Variants in LRMDA observed in about 807,000 individuals in gnomAD.
The protein encoded by LRMDA is leucine rich melanocyte differentiation associated.
Under a neutral mutation model 29.8 loss-of-function variants are expected in LRMDA, and 18 were observed. The observed-to-expected ratio is 0.60, with a 90% CI of 0.42 to 0.90. The LOEUF (loss-of-function observed/expected upper bound fraction) is 0.90. Ranked by LOEUF, LRMDA falls within the 40% of genes least tolerant of loss-of-function variation. The pLI, the probability that LRMDA is intolerant of heterozygous loss-of-function variation, is 0.00. For missense variants in LRMDA, 273 were observed against 273.9 expected, an observed-to-expected ratio of 1.00 and a Z score of 0.02; for synonymous variants, 125 against 109.4, an observed-to-expected ratio of 1.14 and a Z score of -0.89.
chr10:75,569,069 G>A (rs1206253923), intron 2 of LRMDA, among the ~76,000 whole-genome samples: 1 of 152,078 alleles, frequency 6.6e-6, no homozygotes, highest in East Asian at 1.9e-4. Context: ...TTGGATTAAT[G>A]TTGGCATTAT....
At position 75,708,420 on chromosome 10, in the gene LRMDA, A is replaced by G. The variant is rs561258784; in HGVS notation, c.131+269926A>G. ...GGTTTCCTTTACATTATTTCAACAC[A>G]CTCCACCATTTTCCGGGTTTGTGGT... On this transcript the variant is annotated intron_variant, in intron 2 of 6. Transcript: ENST00000611255. Among the ~76,000 whole-genome samples, 19 of 152,188 alleles carry G rather than the reference A, an allele frequency of 1.2e-4. No individual in the cohort carries two copies. In the South Asian group the frequency reaches 3.1e-3, roughly 25 times the overall value.
intron 2 of LRMDA, among the ~76,000 whole-genome samples, chr10:75,653,670 A>G (rs890234071): frequency 8.5e-5 from 13 of 152,232 alleles, no homozygotes; most frequent in African/African-American, 2.4e-4. Flanking sequence ...CTAAAGAGCC[A>G]TCTAGACATA....
chr10:75,659,986 A>G (rs902533133), intron 2 of LRMDA, among the ~76,000 whole-genome samples: 2 of 152,010 alleles, frequency 1.3e-5, no homozygotes, highest in Non-Finnish European at 2.9e-5. Context: ...TTGTTTTCCT[A>G]AGTCATAGGC....
chr10:76,312,238 G>A (rs1024114255), intron 5 of LRMDA, among the ~76,000 whole-genome samples: 5 of 152,188 alleles, frequency 3.3e-5, no homozygotes, highest in African/African-American at 1.2e-4. Context: ...TATATCTCAG[G>A]AATCTGAGGC....
intron 5 of LRMDA, among the ~76,000 whole-genome samples, chr10:76,279,029 G>A (rs959489805): frequency 6.6e-6 from 1 of 152,142 alleles, no homozygotes; most frequent in Non-Finnish European, 1.5e-5. Context: ...GAACTGCAAG[G>A]TCCTTGGGGA....
intron 2 of LRMDA, among the ~76,000 whole-genome samples, chr10:75,853,433 G>GTGTGTGTGTGT (rs1844766533): frequency 5.4e-5 from 8 of 147,506 alleles, no homozygotes; most frequent in African/African-American, 2.0e-4. Flanking sequence ...AAAGAAGAGG[G>GTGTGTGTGTGT]GTGTGTGTGT....
At chr10:76,383,310 G>A (rs1841615295) in intron 6 of LRMDA, among the ~76,000 whole-genome samples, 1 of 151,950 alleles carries the variant, frequency 6.6e-6, no homozygotes, top group South Asian at 2.1e-4. Flanking sequence ...TAAGTGAACT[G>A]GCCGTGTTTT....
rs531354632 is a variant in LRMDA at position 76,239,634 on chromosome 10, T to C, written c.517-84767T>C. On this transcript the variant is annotated intron_variant, in intron 5 of 6. Coordinates refer to ENST00000611255, the MANE Select transcript of LRMDA (RefSeq NM_001305581.2). ...ATTATGCATTGATATTTTTGAGGAATTGAATGAGTTATCCTGGGCAATGAC... is the reference window on the plus strand; with the variant it reads ...ATTATGCATTGATATTTTTGAGGAACTGAATGAGTTATCCTGGGCAATGAC... Among the ~76,000 whole-genome samples, 347 of 152,212 alleles carry C rather than the reference T, an allele frequency of 2.3e-3. 1 individual carries two copies. Among genetic ancestry groups the C allele is most frequent in the Non-Finnish European group, 3.6e-3 (246 of 67,996 alleles).
At chr10:76,518,226 A>G (rs1280608976) in intron 6 of LRMDA, among the ~76,000 whole-genome samples, 1 of 152,012 alleles carries the variant, frequency 6.6e-6, no homozygotes, top group Non-Finnish European at 1.5e-5. Flanking sequence ...ATATCTATCT[A>G]TATATCTGTC....
intron 5 of LRMDA, among the ~76,000 whole-genome samples, chr10:76,078,499 A>C (rs1316883527): frequency 1.3e-5 from 2 of 152,114 alleles, no homozygotes; most frequent in African/African-American, 4.8e-5. Context: ...GAATTAATAC[A>C]TAGAGGCATC....
intron 6 of LRMDA, among the ~76,000 whole-genome samples, chr10:76,354,197 G>T (rs973977665): frequency 6.6e-6 from 1 of 152,074 alleles, no homozygotes; most frequent in Non-Finnish European, 1.5e-5. Context: ...TCCACACTTG[G>T]GCTAGGTCTC....
chr10:75,851,173 C>A (rs1471754451), intron 2 of LRMDA, among the ~76,000 whole-genome samples: 3 of 152,040 alleles, frequency 2.0e-5, no homozygotes, highest in Non-Finnish European at 4.4e-5. Flanking sequence ...AAATGAGAAA[C>A]AAGGGAACCT....
Position 75,692,564 on chromosome 10 carries a change from CGTGTGTGTGTGTGTGTGT to C in LRMDA, c.131+254095_131+254112del, listed in dbSNP as rs10553888. 3.1e-3 allele frequency among the ~76,000 whole-genome samples: 431 copies of C among 140,264 alleles called. 3 individuals carry two copies. Among genetic ancestry groups the C allele is most frequent in the African/African-American group, 9.4e-3 (365 of 38,962 alleles). The allele number at this position is 140,264 out of a possible 152,430, so 92.0% of individuals were successfully genotyped here. ...ATATATACACATATACATATGTATA[CGTGTGTGTGTGTGTGTGT>C]GTGTGTGTGTGTGTGTGTGTGTGTA... On this transcript the variant is annotated intron_variant, in intron 2 of 6. Coordinates refer to ENST00000611255, the MANE Select transcript of LRMDA (RefSeq NM_001305581.2).
chr10:75,489,226 TAAAAAAAAAAA>T (rs33952475), intron 2 of LRMDA, among the ~76,000 whole-genome samples: 1 of 132,074 alleles, frequency 7.6e-6, no homozygotes, highest in Non-Finnish European at 1.6e-5. Flanking sequence ...GGATTTTTAG[TAAAAAAAAAAA>T]AAAAAAAAAA....
intron 2 of LRMDA, among the ~76,000 whole-genome samples, chr10:75,702,750 C>T (rs1396218759): frequency 6.6e-6 from 1 of 152,156 alleles, no homozygotes; most frequent in Non-Finnish European, 1.5e-5. Context: ...CAGTGGCAAC[C>T]TTCGCATTTG....
At chr10:75,752,208 CTTTTTTTTTT>C (rs780364065) in intron 2 of LRMDA, among the ~76,000 whole-genome samples, 17 of 113,140 alleles carry the variant, frequency 1.5e-4, no homozygotes, top group Non-Finnish European at 2.2e-4. Context: ...TAACGTGTCT[CTTTTTTTTTT>C]TTTTTTTTTT....
intron 5 of LRMDA, among the ~76,000 whole-genome samples, chr10:76,317,816 C>A (rs1375835683): frequency 6.6e-6 from 1 of 152,176 alleles, no homozygotes; most frequent in African/African-American, 2.4e-5. Context: ...TCAGGTGATC[C>A]ACCTGCCTCA....
At chr10:76,342,793 CAGAAGAGATAGAAGATTGAAACAGTTTG>C (rs1841057273) in intron 6 of LRMDA, among the ~76,000 whole-genome samples, 1 of 152,086 alleles carries the variant, frequency 6.6e-6, no homozygotes. Context: ...AAGCTGACCC[CAGAAGAGATAGAAGATTGAAACAGTTTG>C]ATTTCCACAG....
At chr10:76,476,887 G>A (rs1842679084) in intron 6 of LRMDA, among the ~76,000 whole-genome samples, 1 of 152,104 alleles carries the variant, frequency 6.6e-6, no homozygotes, top group Non-Finnish European at 1.5e-5. Context: ...ATTAGTTATT[G>A]ATGGGACGTA....
Sources: gnomAD v4.1 joint callset for allele counts (sites outside exome capture counted in the v4.1 genomes callset) on GRCh38, gnomAD v4.1.1 for gene constraint, MANE v1.5 for transcripts, NCBI Gene and HGNC (gene_info 2026-07-23, HGNC 2026-07-21) for gene names.